NDUFS1: variants seen among roughly 807,000 people sequenced by gnomAD.
NDUFS1 encodes the protein NADH-ubiquinone oxidoreductase 75 kDa subunit, mitochondrial.
In NDUFS1, 61 loss-of-function variants were observed where a neutral mutation model predicts 84.4. The ratio of observed to expected loss-of-function variants is 0.72; its 90% CI spans 0.59 to 0.89. The LOEUF (loss-of-function observed/expected upper bound fraction) is 0.89. Among genes scored for constraint, NDUFS1 ranks in the 40% least tolerant of loss-of-function variants. The pLI is 0.00. For missense variants in NDUFS1, 891 were observed against 890.0 expected, an observed-to-expected ratio of 1.00 and a Z score of -0.01; for synonymous variants, 275 against 290.0, an observed-to-expected ratio of 0.95 and a Z score of 0.53.
At chr2:206,148,594 G>C (rs1314199623) in intron 5 of NDUFS1, among the ~76,000 whole-genome samples, 1 of 152,122 alleles carries the variant, frequency 6.6e-6, no homozygotes, top group Non-Finnish European at 1.5e-5. Flanking sequence ...TTCAAGCCCA[G>C]CCTGGACAAC....
intron 13 of NDUFS1, among the ~76,000 whole-genome samples, chr2:206,137,302 C>T (rs540350679): frequency 1.3e-5 from 2 of 152,028 alleles, no homozygotes; most frequent in African/African-American, 2.4e-5. Flanking sequence ...GGTGAAACCC[C>T]GTCTCTACTA....
At chr2:206,137,859 C>T (rs1691780457) in intron 13 of NDUFS1, among the ~76,000 whole-genome samples, 1 of 152,128 alleles carries the variant, frequency 6.6e-6, no homozygotes, top group African/African-American at 2.4e-5. Flanking sequence ...GTTAAAAGTG[C>T]AATTCTTTCA....
At chr2:206,149,739 G>T in intron 4 of NDUFS1, 79 bp downstream of exon 4, 3 of 1,025,462 alleles carry the variant, frequency 2.9e-6, no homozygotes, top group Non-Finnish European at 4.7e-6. Flanking sequence ...CTACGATATT[G>T]ATTCTAAATA....
At position 206,142,855 on chromosome 2, in the gene NDUFS1, CACCAAGAAACCT is replaced by C. The variant is rs779215379; in HGVS notation, c.988-36_988-25del. On this transcript the variant is annotated intron_variant, in intron 10 of 18. Transcript: ENST00000233190. The stretch of plus-strand genomic sequence containing the variant: ...AACTAGAAACAGATGAAAAGGGCAT[CACCAAGAAACCT>C]ACACGCAGCAAAGACCACAATGAAA... The C allele has an allele frequency of 1.9e-6, 3 of 1,613,792 alleles. No individual in the cohort carries two copies. In the Admixed American group the frequency reaches 5.0e-5, roughly 27 times the overall value.
Position 206,116,474 on chromosome 2 carries a change from C to T in NDUFS1, c.*7711G>A. On this transcript the variant is annotated 3_prime_UTR_variant, in exon 19 of 19. Coordinates refer to ENST00000233190, the MANE Select transcript of NDUFS1 (RefSeq NM_005006.7). Reference sequence around the variant, plus strand: ...CGTGCAGGCTGCAGAGCACGGCCCGCACGCTCCGCACCACTCGCAGCGCCA... The same window carrying T: ...CGTGCAGGCTGCAGAGCACGGCCCGTACGCTCCGCACCACTCGCAGCGCCA... The T allele has an allele frequency of 8.4e-7, 1 of 1,190,598 alleles. No homozygotes were observed. Among genetic ancestry groups the T allele is most frequent in the South Asian group, 1.3e-5 (1 of 76,770 alleles). The allele number at this position is 1,190,598 out of a possible 1,614,324, so 73.8% of individuals were successfully genotyped here. A position where few individuals can be genotyped will look rare whatever the true frequency, so the allele number is the denominator to read the frequency against.
intron 1 of NDUFS1, among the ~76,000 whole-genome samples, chr2:206,157,886 A>G (rs1468772733): frequency 6.6e-6 from 1 of 151,006 alleles, no homozygotes; most frequent in Non-Finnish European, 1.5e-5. Context: ...ACATGGATCC[A>G]TCCATTTACT....
chr2:206,146,755 C>T (rs1416981188), intron 8 of NDUFS1, 148 bp downstream of exon 8: 1 of 719,750 alleles, frequency 1.4e-6, no homozygotes, highest in Non-Finnish European at 2.3e-6. Context: ...ATTCTAACTA[C>T]TTACCTTCTA....
chr2:206,116,130 T>C lies in NDUFS1; in HGVS notation c.*8055A>G, dbSNP rs1690936653. 2.7e-6 allele frequency: 4 copies of C among 1,485,388 alleles called. No homozygotes were observed. The highest frequency in any genetic ancestry group is 1.1e-5 in the South Asian group (1 of 88,444). The allele number at this position is 1,485,388 out of a possible 1,614,324, so 92.0% of individuals were successfully genotyped here. ...CATTTTCACTCCTCAATAGATTTTA[T>C]GTATTTCTCATATGCTTCTTCACTC... is the stretch of plus-strand genomic sequence containing the variant. On this transcript the variant is annotated 3_prime_UTR_variant, in exon 19 of 19. Coordinates refer to ENST00000233190, the MANE Select transcript of NDUFS1 (RefSeq NM_005006.7).
Position 206,149,096 on chromosome 2 carries a change from C to A in NDUFS1, c.262G>T (p.Val88Phe). Residue 88 changes from valine to phenylalanine, a missense_variant and splice_region_variant, in exon 5 of 19, where the codon GTT (valine) becomes TTT (phenylalanine). Coordinates refer to ENST00000233190, the MANE Select transcript of NDUFS1 (RefSeq NM_005006.7). Reference sequence around the variant, plus strand: ...ACTGGCATGGCACAAGCAGCTACAACCTGGGATTTCAATGAAAAAAAAAAA... The same window carrying A: ...ACTGGCATGGCACAAGCAGCTACAAACTGGGATTTCAATGAAAAAAAAAAA... ...CLVEIEKAPK[V>F]VAACAMPVMK... 3.7e-6 allele frequency: 6 copies of A among 1,610,104 alleles called. No homozygotes were observed. Among genetic ancestry groups the A allele is most frequent in the Non-Finnish European group, 5.1e-6 (6 of 1,178,008 alleles).
chr2:206,154,232 G>C (rs187930220), intron 1 of NDUFS1, among the ~76,000 whole-genome samples: 1 of 152,160 alleles, frequency 6.6e-6, no homozygotes, highest in African/African-American at 2.4e-5. Context: ...TTATAAGCCC[G>C]TTCTGCCCTC....
chr2:206,133,706 G>A (rs758617236), intron 13 of NDUFS1, among the ~76,000 whole-genome samples: 2 of 152,186 alleles, frequency 1.3e-5, no homozygotes, highest in South Asian at 2.1e-4. Context: ...GGCTGGGCAC[G>A]GTGGCTCACG....
intron 5 of NDUFS1, among the ~76,000 whole-genome samples, chr2:206,148,629 T>TA (rs1448120672): frequency 3.3e-5 from 5 of 152,082 alleles, no homozygotes; most frequent in Non-Finnish European, 7.4e-5. Context: ...TTTCAAAAAA[T>TA]AAAGAAAATT....
intron 13 of NDUFS1, among the ~76,000 whole-genome samples, chr2:206,133,694 T>C (rs1330672778): frequency 1.3e-5 from 2 of 152,184 alleles, no homozygotes; most frequent in African/African-American, 4.8e-5. Flanking sequence ...TGTAAAGTTA[T>C]AGGCTGGGCA....
intron 14 of NDUFS1, among the ~76,000 whole-genome samples, chr2:206,131,894 G>A (rs562257277): frequency 4.6e-5 from 7 of 151,944 alleles, no homozygotes; most frequent in East Asian, 1.9e-4. Context: ...AGCCGAGATC[G>A]TGCCACTGTG....
At position 206,116,903 on chromosome 2, in the gene NDUFS1, C is replaced by T. The variant is rs1475567283; in HGVS notation, c.*7282G>A. ...GGCATGGTGGCGCACACCTGTAATCCTAGCTAGATCCTAGTAGATTGAGGC... is the reference window on the plus strand; with the variant it reads ...GGCATGGTGGCGCACACCTGTAATCTTAGCTAGATCCTAGTAGATTGAGGC... On this transcript the variant is annotated 3_prime_UTR_variant, in exon 19 of 19. Coordinates refer to ENST00000233190, the MANE Select transcript of NDUFS1 (RefSeq NM_005006.7). The T allele has an allele frequency of 1.3e-5, 2 of 155,684 alleles. No homozygotes were observed. The highest frequency in any genetic ancestry group is 4.8e-5 in the African/African-American group (2 of 41,434). The allele number at this position is 155,684 out of a possible 1,614,324, so 9.6% of individuals were successfully genotyped here.
At position 206,121,020 on chromosome 2, in the gene NDUFS1, C is replaced by T. The variant is rs1304222149; in HGVS notation, c.*3165G>A. 1 of 152,216 alleles carries T rather than the reference C, an allele frequency of 6.6e-6. No individual in the cohort carries two copies. Among genetic ancestry groups the T allele is most frequent in the Non-Finnish European group, 1.5e-5 (1 of 68,044 alleles). The allele number at this position is 152,216 out of a possible 1,614,324, so 9.4% of individuals were successfully genotyped here. ...AAACACTCCTGCCATTAGTATCTAG[C>T]TGTGTAGCCATAAATAAGTTATTTG... On this transcript the variant is annotated 3_prime_UTR_variant, in exon 19 of 19. Coordinates refer to ENST00000233190, the MANE Select transcript of NDUFS1 (RefSeq NM_005006.7).
At chr2:206,131,143 G>C (rs1691497568) in intron 14 of NDUFS1, among the ~76,000 whole-genome samples, 1 of 152,118 alleles carries the variant, frequency 6.6e-6, no homozygotes, top group Admixed American at 6.6e-5. Context: ...CCATTCTGAG[G>C]ACCTAAAACA....
chr2:206,158,365 C>T (rs1576008349), intron 1 of NDUFS1, among the ~76,000 whole-genome samples: 2 of 152,334 alleles, frequency 1.3e-5, no homozygotes, highest in African/African-American at 4.8e-5. Context: ...TCCCTGGCCC[C>T]TCCTTATCCT....
At chr2:206,130,659 A>C (rs1363488350) in intron 14 of NDUFS1, among the ~76,000 whole-genome samples, 1 of 152,070 alleles carries the variant, frequency 6.6e-6, no homozygotes, top group East Asian at 1.9e-4. Context: ...CTGGCCAAAA[A>C]ATCCCATTCT....
Sources: gnomAD v4.1 joint callset for allele counts (sites outside exome capture counted in the v4.1 genomes callset) on GRCh38, gnomAD v4.1.1 for gene constraint, MANE v1.5 for transcripts, NCBI Gene and HGNC (gene_info 2026-07-23, HGNC 2026-07-21) for gene names.